Variants in SMARCA2 observed in about 807,000 individuals in gnomAD.
SMARCA2 encodes the protein SWI/SNF related BAF chromatin remodeling complex subunit ATPase 2.
Under a neutral mutation model 199.8 loss-of-function variants are expected in SMARCA2, and 61 were observed. The observed-to-expected ratio is 0.31, with a 90% confidence interval of 0.25 to 0.38. SMARCA2 has a LOEUF of 0.38. Ranked by LOEUF, SMARCA2 falls within the 10% of genes least tolerant of loss-of-function variation. The pLI is 1.00. For missense variants in SMARCA2, 1,344 were observed against 2,012.2 expected (o/e 0.67, Z 6.35); for synonymous variants, 935 against 732.0 (o/e 1.28, Z -4.48).
intron 29 of SMARCA2, among the ~76,000 whole-genome samples, chr9:2,176,262 T>C (rs1192921171): frequency 3.3e-5 from 5 of 151,480 alleles, no homozygotes; most frequent in Non-Finnish European, 7.4e-5. Flanking sequence ...TCTCTTGCAT[T>C]CTATTACTTG....
intron 27 of SMARCA2, among the ~76,000 whole-genome samples, chr9:2,155,045 G>T (rs1345946307): frequency 3.3e-5 from 5 of 152,110 alleles, no homozygotes; most frequent in Admixed American, 2.0e-4. Context: ...CAGGTTTTTT[G>T]ATTCTACCCC....
Position 2,123,787 on chromosome 9 carries a change from G to C in SMARCA2, c.3831G>C (p.Glu1277Asp), listed in dbSNP as rs1823569338. The C allele has an allele frequency of 1.9e-6, 3 of 1,613,938 alleles. No homozygotes were observed. The African/African-American group carries it at 4.0e-5, about 22-fold the overall frequency. The change falls in exon 27 of 34, where the codon GAG (glutamate) becomes GAC (aspartate). Residue 1277 changes from glutamate to aspartate, a missense_variant. Glu to Asp is a conservative substitution (Grantham distance 45). Transcript: ENST00000349721. The surrounding 1 kb of genome is among the most constrained non-coding windows in gnomAD (Gnocchi z 4.1). Reference sequence around the variant, plus strand: ...AACGGAAGCCCCGTTTAATGGAGGAGGATGAGCTGCCCTCCTGGATCATTA... The same window carrying C: ...AACGGAAGCCCCGTTTAATGGAGGACGATGAGCTGCCCTCCTGGATCATTA... Reference protein sequence around the residue: ...NPKRKPRLMEEDELPSWIIKD... With the variant: ...NPKRKPRLMEDDELPSWIIKD...
At chr9:2,021,465 A>C (rs1006122001) in intron 1 of SMARCA2, among the ~76,000 whole-genome samples, 1 of 152,204 alleles carries the variant, frequency 6.6e-6, no homozygotes, top group Non-Finnish European at 1.5e-5. Flanking sequence ...CAGGATGATT[A>C]TATATTTCTT....
rs373330524 is a variant in SMARCA2, at chr9:2,021,580, C to G, written c.-37+6176C>G. On this transcript the variant is annotated intron_variant, in intron 1 of 33. Transcript: ENST00000349721. ...GAAGGAAAGCCCTCTCCCATCTTCC[C>G]CCCTGTGCTTTGTTGAACTGGACAT... Among the ~76,000 whole-genome samples the G allele has an allele frequency of 2.0e-4, 30 of 152,310 alleles. 2 individuals are homozygous for G. In the East Asian group the frequency reaches 5.0e-3, roughly 25 times the overall value.
In SMARCA2 at chr9:2,119,198, A is replaced by T. The variant is rs1387249534; in HGVS notation, c.3685-260A>T. Among the ~76,000 whole-genome samples, 1 of 152,240 alleles carries T rather than the reference A, an allele frequency of 6.6e-6. No homozygotes were observed. The highest frequency in any genetic ancestry group is 1.9e-4 in the East Asian group (1 of 5,194). Reference sequence around the variant, plus strand: ...ACATTAAGTAACTTGTTGTAAAAGTAACAGAATCAAGATACACATCCAGGA... The same window carrying T: ...ACATTAAGTAACTTGTTGTAAAAGTTACAGAATCAAGATACACATCCAGGA... On this transcript the variant is annotated intron_variant, in intron 25 of 33. Transcript: ENST00000349721. This position sits in a 1 kb window ranked among gnomAD's most constrained non-coding sequence, Gnocchi z 4.6.
At chr9:2,038,790 C>G (rs2130241992) in intron 3 of SMARCA2, among the ~76,000 whole-genome samples, 1 of 152,292 alleles carries the variant, frequency 6.6e-6, no homozygotes, top group Middle Eastern at 3.4e-3. Context: ...CTAGGGAGAA[C>G]CCAACTGTGA....
chr9:2,050,787 C>T (rs1252865166), intron 5 of SMARCA2, among the ~76,000 whole-genome samples: 1 of 152,168 alleles, frequency 6.6e-6, no homozygotes, highest in Non-Finnish European at 1.5e-5. Context: ...GTACCAGTGT[C>T]ATTTTCTGTT....
chr9:2,066,796 G>T (rs1161133183), intron 9 of SMARCA2, among the ~76,000 whole-genome samples: 1 of 152,158 alleles, frequency 6.6e-6, no homozygotes, highest in Non-Finnish European at 1.5e-5. Flanking sequence ...CAGGTGGCAG[G>T]AGACGCTGTA....
intron 3 of SMARCA2, among the ~76,000 whole-genome samples, chr9:2,034,781 C>T (rs540587945): frequency 5.3e-4 from 81 of 152,250 alleles, no homozygotes; most frequent in African/African-American, 1.8e-3. Flanking sequence ...GGCTTTTGAA[C>T]ATCCCAGACT....
Position 2,054,702 on chromosome 9 carries a change from G to C in SMARCA2, c.1152G>C (p.Arg384=). ...TKATVELKAL[R]LLNFQRQLRQ... ...CAACCGTGGAACTAAAAGCACTTCG[G>C]TTACTCAATTTCCAGCGTCAGGTAA... is the stretch of plus-strand genomic sequence containing the variant. Residue 384 remains arginine, a synonymous_variant, in exon 6 of 34, where the codon CGG becomes CGC. Coordinates refer to ENST00000349721, the MANE Select transcript of SMARCA2 (RefSeq NM_003070.5). 6.2e-7 allele frequency: 1 copy of C among 1,614,030 alleles called. No homozygotes were observed. Among genetic ancestry groups the C allele is most frequent in the South Asian group, 1.1e-5 (1 of 91,080 alleles).
At chr9:2,109,620 A>G (rs1299119412) in intron 23 of SMARCA2, among the ~76,000 whole-genome samples, 1 of 134,512 alleles carries the variant, frequency 7.4e-6, no homozygotes. Context: ...AAACAGACTA[A>G]GAGATTTCTT....
intron 4 of SMARCA2, chr9:2,040,260 C>T: frequency 2.3e-6 from 1 of 434,790 alleles, no homozygotes; most frequent in Non-Finnish European, 4.0e-6. Context: ...ACTCACTGCT[C>T]AGATCAGCCC....
At chr9:2,148,283 A>G (rs1267842749) in intron 27 of SMARCA2, among the ~76,000 whole-genome samples, 3 of 151,640 alleles carry the variant, frequency 2.0e-5, no homozygotes, top group Non-Finnish European at 3.0e-5. Context: ...AACACAGCTG[A>G]TCATTGGTAT....
chr9:2,128,256 G>A (rs1047335936), intron 27 of SMARCA2, among the ~76,000 whole-genome samples: 4 of 152,202 alleles, frequency 2.6e-5, no homozygotes, highest in Admixed American at 2.6e-4. Context: ...CTGCTGGTCT[G>A]CTCCTTTCCT....
At chr9:2,042,309 C>G (rs1289226855) in intron 4 of SMARCA2, 1 of 152,122 alleles carries the variant, frequency 6.6e-6, no homozygotes, top group East Asian at 1.9e-4. Context: ...ACTTGAACTC[C>G]CAAAAGGTAG....
chr9:2,073,071 A>C (rs1358376554), intron 10 of SMARCA2, 141 bp from the exon 11 acceptor site: 6 of 946,342 alleles, frequency 6.3e-6, no homozygotes, highest in Non-Finnish European at 9.4e-6. Flanking sequence ...ACCTCCCACC[A>C]ACACTCATTA....
chr9:2,039,408 ATC>A lies in SMARCA2; in HGVS notation c.356-52_356-51del. 1 of 1,514,992 alleles carries A rather than the reference ATC, an allele frequency of 6.6e-7. No homozygotes were observed. Among genetic ancestry groups the A allele is most frequent in the South Asian group, 1.2e-5 (1 of 81,788 alleles). 93.8% of individuals were successfully genotyped at this position (1,514,992 alleles called of 1,614,324 possible). On this transcript the variant is annotated intron_variant, in intron 3 of 33. Coordinates refer to ENST00000349721, the MANE Select transcript of SMARCA2 (RefSeq NM_003070.5). The surrounding 1 kb of genome is among the most constrained non-coding windows in gnomAD (Gnocchi z 4.8). ...GACAATTATTAGAGTATTCAGGGAT[ATC>A]TCTCTTTCAGGGTTGTCAGGGGCAG...
chr9:2,127,225 T>C (rs925554213), intron 27 of SMARCA2, among the ~76,000 whole-genome samples: 1 of 152,208 alleles, frequency 6.6e-6, no homozygotes, highest in Non-Finnish European at 1.5e-5. Context: ...ACCTGCCTGC[T>C]TTCCTGACTA....
intron 4 of SMARCA2, chr9:2,045,259 T>C (rs992389580): frequency 6.6e-6 from 1 of 152,172 alleles, no homozygotes; most frequent in Non-Finnish European, 1.5e-5. Context: ...ATTAAATTCC[T>C]GATTTAGCAT....
Sources: gnomAD v4.1 joint callset for allele counts (sites outside exome capture counted in the v4.1 genomes callset) on GRCh38, gnomAD v4.1.1 for gene constraint, Gnocchi (gnomAD v3.1) non-coding constraint, MANE v1.5 for transcripts, NCBI Gene and HGNC (gene_info 2026-07-23, HGNC 2026-07-21) for gene names.